CSMD1: variants seen among roughly 807,000 people sequenced by gnomAD.
CSMD1 encodes CUB and Sushi multiple domains 1.
In CSMD1, 213 loss-of-function variants were observed where a neutral mutation model predicts 417.5. The observed-to-expected ratio is 0.51, with a 90% CI of 0.46 to 0.57. The LOEUF (loss-of-function observed/expected upper bound fraction) is 0.57, where lower values mean the gene tolerates loss of function less well. CSMD1 is among the 20% of genes least tolerant of loss of function. CSMD1 has a pLI of 0.00. For missense variants in CSMD1, 6,923 were observed against 4,529.7 expected (o/e 1.53, Z -15.17); for synonymous variants, 2,862 against 1,736.8 (o/e 1.65, Z -16.11).
chr8:4,161,118 ATG>A (rs1194028201), intron 3 of CSMD1, among the ~76,000 whole-genome samples: 1 of 80,546 alleles, frequency 1.2e-5, no homozygotes, highest in Non-Finnish European at 3.1e-5. Context: ...TAAACAAATA[ATG>A]TAAAAAAAAA....
intron 3 of CSMD1, among the ~76,000 whole-genome samples, chr8:4,327,818 G>A (rs2128888744): frequency 6.6e-6 from 1 of 152,198 alleles, no homozygotes; most frequent in South Asian, 2.1e-4. Flanking sequence ...TCTCCTGTAA[G>A]TATAAAGTAA....
At chr8:3,526,526 G>A (rs777453004) in intron 10 of CSMD1, among the ~76,000 whole-genome samples, 1 of 152,128 alleles carries the variant, frequency 6.6e-6, no homozygotes, top group Non-Finnish European at 1.5e-5. Flanking sequence ...TCAAAAGCAA[G>A]CTCCCAGGAA....
At chr8:4,975,419 G>A (rs1354787052) in intron 1 of CSMD1, among the ~76,000 whole-genome samples, 1 of 152,132 alleles carries the variant, frequency 6.6e-6, no homozygotes, top group Admixed American at 6.5e-5. Context: ...TTGAATGTGG[G>A]CTACTTTGCT....
intron 4 of CSMD1, among the ~76,000 whole-genome samples, chr8:4,029,466 G>C (rs1040907237): frequency 6.6e-6 from 1 of 152,108 alleles, no homozygotes; most frequent in African/African-American, 2.4e-5. Flanking sequence ...CCTGTGCAGA[G>C]AAACACCCAT....
chr8:4,993,030 G>T (rs527260710), intron 1 of CSMD1, among the ~76,000 whole-genome samples: 3 of 152,330 alleles, frequency 2.0e-5, no homozygotes, highest in South Asian at 2.1e-4. Context: ...TCTCTCCCCC[G>T]CTCTCCAGGC....
intron 1 of CSMD1, among the ~76,000 whole-genome samples, chr8:4,758,242 C>A (rs914771604): frequency 7.2e-5 from 11 of 152,014 alleles, no homozygotes; most frequent in Admixed American, 2.6e-4. Flanking sequence ...AAGGAGGAAG[C>A]CCACCGACTA....
intron 5 of CSMD1, among the ~76,000 whole-genome samples, chr8:3,940,391 T>G (rs1293655175): frequency 6.6e-6 from 1 of 152,038 alleles, no homozygotes; most frequent in Admixed American, 6.6e-5. Context: ...AAAATTATAT[T>G]GAAAATAATG....
At chr8:4,284,947 T>G (rs1175097997) in intron 3 of CSMD1, among the ~76,000 whole-genome samples, 1 of 152,168 alleles carries the variant, frequency 6.6e-6, no homozygotes. Flanking sequence ...TGTAAGACCT[T>G]GGGCAAAGTA....
chr8:3,423,045 C>A (rs149437720), intron 12 of CSMD1, among the ~76,000 whole-genome samples: 2 of 152,286 alleles, frequency 1.3e-5, no homozygotes, highest in East Asian at 3.9e-4. Flanking sequence ...ACCAGCTAGT[C>A]GAGTTGTACA....
chr8:3,423,691 G>A (rs146675799), intron 12 of CSMD1, among the ~76,000 whole-genome samples: 3 of 152,312 alleles, frequency 2.0e-5, no homozygotes, highest in African/African-American at 7.2e-5. Context: ...AAAGTCTTAC[G>A]AATGTTCCAT....
intron 1 of CSMD1, among the ~76,000 whole-genome samples, chr8:4,915,399 A>G (rs542399333): frequency 6.6e-6 from 1 of 152,218 alleles, no homozygotes; most frequent in African/African-American, 2.4e-5. Context: ...CGTATTTTAG[A>G]TAAGAAATTG....
intron 11 of CSMD1, among the ~76,000 whole-genome samples, chr8:3,480,882 G>C (rs928550387): frequency 6.6e-6 from 1 of 151,804 alleles, no homozygotes; most frequent in African/African-American, 2.4e-5. Context: ...GTAGGCTGGG[G>C]GCAATGGCTC....
intron 3 of CSMD1, among the ~76,000 whole-genome samples, chr8:4,368,504 G>A (rs113774567): frequency 6.6e-6 from 1 of 152,140 alleles, no homozygotes; most frequent in East Asian, 1.9e-4. Context: ...TTAGAGAGAA[G>A]TCCCTCTTTC....
chr8:4,982,124 C>G (rs1810922743), intron 1 of CSMD1, among the ~76,000 whole-genome samples: 3 of 152,200 alleles, frequency 2.0e-5, no homozygotes, highest in Admixed American at 2.0e-4. Flanking sequence ...CCAGCCAACA[C>G]TTGATGGCTG....
intron 3 of CSMD1, among the ~76,000 whole-genome samples, chr8:4,132,395 T>A (rs1040632789): frequency 6.6e-6 from 1 of 152,192 alleles, no homozygotes; most frequent in Non-Finnish European, 1.5e-5. Context: ...TTCTCTAGTA[T>A]GGTGTCTGAA....
At chr8:4,701,153 G>C (rs1013188471) in intron 1 of CSMD1, among the ~76,000 whole-genome samples, 1 of 151,924 alleles carries the variant, frequency 6.6e-6, no homozygotes, top group Non-Finnish European at 1.5e-5. Flanking sequence ...ACAAAGCTGT[G>C]GGCTCCCCCA....
At chr8:4,106,452 C>G (rs35028284) in intron 3 of CSMD1, among the ~76,000 whole-genome samples, 1 of 152,050 alleles carries the variant, frequency 6.6e-6, no homozygotes, top group Non-Finnish European at 1.5e-5. Flanking sequence ...ACACACCAAA[C>G]TCTCAGCTTT....
chr8:3,791,135 G>C (rs1339210150), intron 5 of CSMD1, among the ~76,000 whole-genome samples: 1 of 152,164 alleles, frequency 6.6e-6, no homozygotes, highest in African/African-American at 2.4e-5. Context: ...TGGAGTGCAT[G>C]ACAAACATAT....
chr8:4,954,700 A>G lies in CSMD1; in HGVS notation c.85+39632T>C, dbSNP rs186467172. Reference sequence around the variant, plus strand: ...GTGAATGTTCCTTATAAGCTATCATAAACTACATAAGCACCATGGAAATAT... The same window carrying G: ...GTGAATGTTCCTTATAAGCTATCATGAACTACATAAGCACCATGGAAATAT... On this transcript the variant is annotated intron_variant, in intron 1 of 69. Transcript: ENST00000635120. Among the ~76,000 whole-genome samples, 54 of 152,342 alleles carry G rather than the reference A, an allele frequency of 3.5e-4. No individual in the cohort carries two copies. In the East Asian group the frequency reaches 9.2e-3, roughly 26 times the overall value.
Sources: gnomAD v4.1 joint callset for allele counts (sites outside exome capture counted in the v4.1 genomes callset) on GRCh38, gnomAD v4.1.1 for gene constraint, MANE v1.5 for transcripts, NCBI Gene and HGNC (gene_info 2026-07-23, HGNC 2026-07-21) for gene names.